The following PCDHGB4 variants were observed in gnomAD, a reference collection of about 807,000 sequenced individuals.
The protein encoded by PCDHGB4 is protocadherin gamma-B4.
PCDHGB4 carries 38 observed loss-of-function variants against 60.5 expected under a neutral mutation model. That is an observed-to-expected ratio of 0.63 (90% CI 0.48 to 0.82). The LOEUF (loss-of-function observed/expected upper bound fraction) is 0.82, where lower values mean the gene tolerates loss of function less well. Among genes scored for constraint, PCDHGB4 ranks in the 40% least tolerant of loss-of-function variants. The pLI is 0.00. For missense variants in PCDHGB4, 1,109 were observed against 1,209.6 expected (o/e 0.92, Z 1.23); for synonymous variants, 456 against 509.7 (o/e 0.89, Z 1.42).
At chr5:141,454,123 C>CT (rs1273558932) in intron 1 of PCDHGB4, among the ~76,000 whole-genome samples, 5 of 152,194 alleles carry the variant, frequency 3.3e-5, no homozygotes, top group Non-Finnish European at 7.3e-5. Flanking sequence ...GAAGAAATAG[C>CT]TGACCATGGG....
chr5:141,414,421 A>AGGGAACAG (rs1486483287), intron 1 of PCDHGB4: 1 of 1,613,776 alleles, frequency 6.2e-7, no homozygotes, highest in Non-Finnish European at 8.5e-7. Context: ...AGCCCTTGAC[A>AGGGAACAG]GGGAACAGGT....
chr5:141,410,849 C>G, intron 1 of PCDHGB4: 1 of 136,716 alleles, frequency 7.3e-6, no homozygotes, highest in Non-Finnish European at 1.2e-5. Flanking sequence ...TTGTCTTTGT[C>G]TTTTTTTTTT....
At chr5:141,480,033 C>T (rs370321166) in intron 1 of PCDHGB4, among the ~76,000 whole-genome samples, 1 of 152,106 alleles carries the variant, frequency 6.6e-6, no homozygotes, top group African/African-American at 2.4e-5. Flanking sequence ...AAGCCTCTTC[C>T]TCATATGCAA....
intron 1 of PCDHGB4, among the ~76,000 whole-genome samples, chr5:141,455,393 C>G (rs574741955): frequency 6.4e-4 from 97 of 152,150 alleles, no homozygotes; most frequent in African/African-American, 2.2e-3. Flanking sequence ...GAAGGAGCTC[C>G]CCCTTACAGA....
chr5:141,511,695 C>A lies in PCDHGB4; in HGVS notation c.*522C>A, dbSNP rs1009832192. The A allele has an allele frequency of 9.7e-5, 19 of 195,544 alleles. No individual in the cohort carries two copies. The highest frequency in any genetic ancestry group is 1.7e-4 in the Non-Finnish European group (16 of 92,634). 12.1% of individuals were successfully genotyped at this position (195,544 alleles called of 1,614,324 possible). A position where few individuals can be genotyped will look rare whatever the true frequency, so the allele number is the denominator to read the frequency against. On this transcript the variant is annotated 3_prime_UTR_variant, in exon 4 of 4. Transcript: ENST00000519479. ...CTTCCCCCAAAGCATGGTTTGGTGC[C>A]AGCCCCTTCACCTCCTTCCAGAGCC...
chr5:141,490,249 C>T lies in PCDHGB4; in HGVS notation c.2398-4558C>T, dbSNP rs2099697737. On this transcript the variant is annotated intron_variant, in intron 1 of 3. Coordinates refer to ENST00000519479, the MANE Select transcript of PCDHGB4 (RefSeq NM_003736.4). The surrounding 1 kb of genome is among the most constrained non-coding windows in gnomAD (Gnocchi z 5.4). ...TGCCATGGAGGGCCACTGTGTGATT[C>T]AAGTGGATGTGGGGGATGTCAATGA... The T allele has an allele frequency of 1.2e-6, 2 of 1,614,218 alleles. No individual in the cohort carries two copies. The highest frequency in any genetic ancestry group is 1.7e-6 in the Non-Finnish European group (2 of 1,180,044).
rs777247531 is a variant in PCDHGB4 at position 141,476,417 on chromosome 5, C to T, written c.2398-18390C>T. 3 of 1,614,112 alleles carry T rather than the reference C, an allele frequency of 1.9e-6. No homozygotes were observed. Among genetic ancestry groups the T allele is most frequent in the Admixed American group, 1.7e-5 (1 of 60,018 alleles). The stretch of plus-strand genomic sequence containing the variant: ...GGATCGAGAGGAGCTGTGTGGGACA[C>T]TGCCCTCTTGCACTGTAACTCTGGA... On this transcript the variant is annotated intron_variant, in intron 1 of 3. Coordinates refer to ENST00000519479, the MANE Select transcript of PCDHGB4 (RefSeq NM_003736.4). The surrounding 1 kb of genome is among the most constrained non-coding windows in gnomAD (Gnocchi z 7.6).
intron 1 of PCDHGB4, chr5:141,422,076 G>C (rs2096622180): frequency 1.2e-6 from 2 of 1,612,270 alleles, no homozygotes; most frequent in South Asian, 1.1e-5. Flanking sequence ...ATTCATTTCG[G>C]AACATGGAAA....
intron 1 of PCDHGB4, among the ~76,000 whole-genome samples, chr5:141,479,789 T>C (rs888217885): frequency 3.3e-5 from 5 of 152,196 alleles, no homozygotes; most frequent in Non-Finnish European, 2.9e-5. Flanking sequence ...AAAGCATTCA[T>C]TAATTCAGGG....
At chr5:141,419,424 A>G (rs1197238939) in intron 1 of PCDHGB4, 1 of 1,613,230 alleles carries the variant, frequency 6.2e-7, no homozygotes, top group Admixed American at 1.7e-5. Flanking sequence ...GCCTTCGACC[A>G]CGAGCAGCTG....
chr5:141,433,115 G>T, intron 1 of PCDHGB4: 1 of 1,613,762 alleles, frequency 6.2e-7, no homozygotes, highest in Non-Finnish European at 8.5e-7. Context: ...GGAGAGCTTT[G>T]AAAAAAGCGA....
rs964965013 is a variant in PCDHGB4 at position 141,489,097 on chromosome 5, C to G, written c.2398-5710C>G. The G allele has an allele frequency of 6.4e-6, 2 of 313,448 alleles. No homozygotes were observed. The highest frequency in any genetic ancestry group is 1.1e-4 in the South Asian group (2 of 18,596). 19.4% of individuals were successfully genotyped at this position (313,448 alleles called of 1,614,324 possible). The stretch of plus-strand genomic sequence containing the variant: ...ACCCCCGCCACTCGGTGACTAAGAA[C>G]TGCTGCAAGCAGGCAAACCTCCGAG... On this transcript the variant is annotated intron_variant, in intron 1 of 3. Coordinates refer to ENST00000519479, the MANE Select transcript of PCDHGB4 (RefSeq NM_003736.4). This position sits in a 1 kb window ranked among gnomAD's most constrained non-coding sequence, Gnocchi z 4.5.
intron 1 of PCDHGB4, among the ~76,000 whole-genome samples, chr5:141,470,417 T>A (rs1482173610): frequency 6.6e-6 from 1 of 152,226 alleles, no homozygotes; most frequent in East Asian, 1.9e-4. Context: ...ATTTTATGTA[T>A]TTTTTCCTTG....
chr5:141,496,932 T>G (rs1336402833), intron 2 of PCDHGB4, among the ~76,000 whole-genome samples: 1 of 148,964 alleles, frequency 6.7e-6, no homozygotes, highest in Non-Finnish European at 1.5e-5. Context: ...ACGCCTGTAA[T>G]CCCAGCACTT....
At chr5:141,399,092 G>T (rs573118488) in intron 1 of PCDHGB4, 2 of 1,613,810 alleles carry the variant, frequency 1.2e-6, no homozygotes, top group Non-Finnish European at 1.7e-6. Context: ...GATGGTGGTG[G>T]ACTGGTTGCA....
chr5:141,403,759 G>A (rs900084263), intron 1 of PCDHGB4: 2 of 1,613,794 alleles, frequency 1.2e-6, no homozygotes, highest in Non-Finnish European at 1.7e-6. Flanking sequence ...CCAGCGACCT[G>A]GATGAGGGAA....
intron 2 of PCDHGB4, among the ~76,000 whole-genome samples, chr5:141,496,054 G>A (rs180707408): frequency 6.6e-6 from 1 of 150,988 alleles, no homozygotes; most frequent in Admixed American, 6.6e-5. Context: ...TTTTGTGCTT[G>A]TGGGCAAGCC....
chr5:141,464,208 T>G (rs915798868), intron 1 of PCDHGB4, among the ~76,000 whole-genome samples: 1 of 148,120 alleles, frequency 6.8e-6, no homozygotes, highest in Admixed American at 6.9e-5. Context: ...GAGATTGCAG[T>G]GAGCTGAGAT....
At chr5:141,418,922 C>A in intron 1 of PCDHGB4, 1 of 1,613,994 alleles carries the variant, frequency 6.2e-7, no homozygotes, top group Non-Finnish European at 8.5e-7. Context: ...ACTCTCTGAT[C>A]AGATTATGGA....
Sources: allele counts gnomAD v4.1 joint callset (sites outside exome capture counted in the v4.1 genomes callset), GRCh38; gene constraint gnomAD v4.1.1; non-coding constraint Gnocchi (gnomAD v3.1); transcripts MANE v1.5; gene names NCBI Gene and HGNC (gene_info 2026-07-23, HGNC 2026-07-21).